The following CA6 variants were observed in gnomAD, a reference collection of about 807,000 sequenced individuals.
The protein encoded by CA6 is carbonic anhydrase 6.
In CA6, 28 loss-of-function variants were observed where a neutral mutation model predicts 35.9. The observed-to-expected ratio is 0.78, with a 90% CI of 0.58 to 1.07. The LOEUF (loss-of-function observed/expected upper bound fraction) is 1.07, where lower values mean the gene tolerates loss of function less well. Among genes scored for constraint, CA6 ranks in the 50% least tolerant of loss-of-function variants. CA6 has a pLI of 0.00. For missense variants in CA6, 377 were observed against 382.0 expected, an observed-to-expected ratio of 0.99 and a Z score of 0.11; for synonymous variants, 148 against 152.6, an observed-to-expected ratio of 0.97 and a Z score of 0.22.
At chr1:8,973,779 TC>T (rs1238047640) in intron 7 of CA6, among the ~76,000 whole-genome samples, 5 of 22,310 alleles carry the variant, frequency 2.2e-4, no homozygotes, top group South Asian at 2.0e-3. Flanking sequence ...TTTCTTTCTT[TC>T]TTTCTTTTCC....
intron 6 of CA6, among the ~76,000 whole-genome samples, chr1:8,969,259 G>A (rs1640048991): frequency 6.6e-6 from 1 of 151,964 alleles, no homozygotes; most frequent in African/African-American, 2.4e-5. Flanking sequence ...ATGTTGCAGT[G>A]AGCTGAGATC....
chr1:8,951,119 G>C (rs1253782959), intron 2 of CA6, among the ~76,000 whole-genome samples: 1 of 151,744 alleles, frequency 6.6e-6, no homozygotes, highest in Non-Finnish European at 1.5e-5. Flanking sequence ...GGGAGGCTGA[G>C]GCAGGAGAAT....
At chr1:8,953,911 GC>G in intron 2 of CA6, among the ~76,000 whole-genome samples, 2 of 152,076 alleles carry the variant, frequency 1.3e-5, no homozygotes, top group South Asian at 4.1e-4. Flanking sequence ...CAGTAAAGAA[GC>G]CTGACAAATC....
chr1:8,965,626 G>A (rs1035422776), intron 5 of CA6, among the ~76,000 whole-genome samples: 6 of 151,994 alleles, frequency 3.9e-5, no homozygotes, highest in Non-Finnish European at 8.8e-5. Context: ...GGTGACTCAC[G>A]CCTGTAATTC....
At chr1:8,959,076 T>G in intron 4 of CA6, 74 bp downstream of exon 4, 3 of 840,452 alleles carry the variant, frequency 3.6e-6, no homozygotes, top group Non-Finnish European at 4.1e-6. Flanking sequence ...TGAAGTCTAG[T>G]TGAACAGTCT....
In CA6 at chr1:8,945,942, A is replaced by T. The variant is rs754657912; in HGVS notation, c.56A>T (p.His19Leu). The T allele has an allele frequency of 2.4e-5, 38 of 1,613,450 alleles. No homozygotes were observed. The South Asian group carries it at 4.0e-4, about 17-fold the overall frequency. The change falls in exon 1 of 8, where the codon CAT becomes CTT. Residue 19 changes from histidine to leucine, a missense_variant. Physicochemically the swap from His to Leu is moderately conservative, Grantham distance 99. Transcript: ENST00000377443. ...SLFLLGGQAQ[H>L]VSDWTYSEGA... ...TTCCTGCTGGGTGGCCAGGCCCAGC[A>T]TGTGTCTGACTGGACCTACTCAGGT... is the stretch of plus-strand genomic sequence containing the variant.
intron 5 of CA6, among the ~76,000 whole-genome samples, chr1:8,964,429 G>A (rs1639920285): frequency 6.6e-6 from 1 of 152,066 alleles, no homozygotes; most frequent in Non-Finnish European, 1.5e-5. Flanking sequence ...TTGTATTTTA[G>A]TAGAGACAGG....
At chr1:8,967,963 C>CTTTTT (rs34107058) in intron 6 of CA6, 147 bp downstream of exon 6, 119 of 296,976 alleles carry the variant, frequency 4.0e-4, no homozygotes, top group South Asian at 6.5e-4. Flanking sequence ...TCTAGCCAAC[C>CTTTTT]TTTTTTTTTT....
intron 6 of CA6, among the ~76,000 whole-genome samples, chr1:8,968,202 G>T (rs1640021690): frequency 6.6e-6 from 1 of 152,048 alleles, no homozygotes; most frequent in Non-Finnish European, 1.5e-5. Context: ...CCAGGTTCAA[G>T]CAGTCTGCCT....
In CA6 at chr1:8,951,215, T is replaced by A. The variant is rs557427391; in HGVS notation, c.259+1773T>A. On this transcript the variant is annotated intron_variant, in intron 2 of 7. Transcript: ENST00000377443. ...TGGGCAACAAGAGCAAAACTCCATC[T>A]CAAAGAAAAAAAAAAAAAGAAAGAA... Among the ~76,000 whole-genome samples, 31 of 101,668 alleles carry A rather than the reference T, an allele frequency of 3.0e-4. 1 individual carries two copies. Among genetic ancestry groups the A allele is most frequent in the African/African-American group, 1.3e-3 (31 of 24,234 alleles). 66.7% of individuals were successfully genotyped at this position (101,668 alleles called of 152,430 possible).
Position 8,973,784 on chromosome 1 carries a change from C to CTTTTTCTTTCTTCTTTCTTTCT in CA6, c.845-834_845-833insTCTTTCTTCTTTCTTTCTTTTT, listed in dbSNP as rs59270335. On this transcript the variant is annotated intron_variant, in intron 7 of 7. Transcript: ENST00000377443. ...TCTTTCTTTCTTTCTTTCTTTCTTT[C>CTTTTTCTTTCTTCTTTCTTTCT]TTTTCCCTCCCTCCCTCTCTCTCTC... Among the ~76,000 whole-genome samples the CTTTTTCTTTCTTCTTTCTTTCT allele has an allele frequency of 5.2e-4, 27 of 52,046 alleles. 2 individuals carry two copies. Among genetic ancestry groups the CTTTTTCTTTCTTCTTTCTTTCT allele is most frequent in the African/African-American group, 1.8e-3 (25 of 13,556 alleles). The allele number at this position is 52,046 out of a possible 152,430, so 34.1% of individuals were successfully genotyped here.
In CA6 at chr1:8,974,641, A is replaced by T; in HGVS notation, c.864A>T (p.Glu288Asp). Residue 288 changes from glutamate to aspartate, a missense_variant, in exon 8 of 8, where the codon GAA (glutamate) becomes GAT (aspartate). By Grantham distance (45) the Glu-to-Asp change is conservative. Coordinates refer to ENST00000377443, the MANE Select transcript of CA6 (RefSeq NM_001215.4). ...TTACAGAATACACTCTAGGCTCTGA[A>T]TTCCAGTTTTACCTACATAAGATTG... ...FPNQEYTLGSEFQFYLHKIEE... is the reference protein window; with the variant it reads ...FPNQEYTLGSDFQFYLHKIEE... 3 of 1,607,340 alleles carry T rather than the reference A, an allele frequency of 1.9e-6. No individual in the cohort carries two copies. Among genetic ancestry groups the T allele is most frequent in the Non-Finnish European group, 1.7e-6 (2 of 1,175,300 alleles).
intron 1 of CA6, among the ~76,000 whole-genome samples, chr1:8,948,138 G>A (rs370195341): frequency 1.3e-5 from 2 of 151,898 alleles, no homozygotes; most frequent in South Asian, 2.1e-4. Context: ...ATGAGCCACC[G>A]TGCCCAGCCA....
chr1:8,962,108 G>A (rs974017517), intron 4 of CA6, among the ~76,000 whole-genome samples: 2 of 152,036 alleles, frequency 1.3e-5, no homozygotes. Context: ...CAGGTGTGGT[G>A]GTGGGCACCT....
intron 3 of CA6, 52 bp from the exon 4 acceptor site, chr1:8,958,858 G>C: frequency 2.1e-6 from 2 of 962,596 alleles, no homozygotes; most frequent in Non-Finnish European, 3.3e-6. Flanking sequence ...GAAATCTTAA[G>C]CATTTGAATT....
At chr1:8,962,716 AGGTGGGCCCAG>A in intron 5 of CA6, 60 bp downstream of exon 5, 1 of 1,429,232 alleles carries the variant, frequency 7.0e-7, no homozygotes, top group Non-Finnish European at 9.9e-7. Flanking sequence ...TGTGAGTGTG[AGGTGGGCCCAG>A]GGGGCAGGGG....
chr1:8,949,324 G>C lies in CA6; in HGVS notation c.141G>C (p.Gln47His). Residue 47 changes from glutamine to histidine, a missense_variant, in exon 2 of 8, where the codon CAG becomes CAC. Gln to His is a conservative substitution (Grantham distance 24). Coordinates refer to ENST00000377443, the MANE Select transcript of CA6 (RefSeq NM_001215.4). ...ACCCCGCCTGTGGGGGCCAGAGACA[G>C]TCGCCTATCAACCTACAGAGGACGA... ...QHYPACGGQR[Q>H]SPINLQRTKV... 1 of 1,613,476 alleles carries C rather than the reference G, an allele frequency of 6.2e-7. No homozygotes were observed.
At chr1:8,949,531 C>A in intron 2 of CA6, 89 bp downstream of exon 2, 1 of 1,102,354 alleles carries the variant, frequency 9.1e-7, no homozygotes, top group Non-Finnish European at 1.3e-6. Flanking sequence ...GAATGGCTTG[C>A]ACAGAGACAC....
At chr1:8,949,220 G>A in intron 1 of CA6, 43 bp from the exon 2 acceptor site, 4 of 1,485,680 alleles carry the variant, frequency 2.7e-6, no homozygotes, top group Non-Finnish European at 3.6e-6. Context: ...TCCAGAGTGG[G>A]CGCAGCCAGG....
Sources: gnomAD v4.1 joint callset for allele counts (sites outside exome capture counted in the v4.1 genomes callset) on GRCh38, gnomAD v4.1.1 for gene constraint, MANE v1.5 for transcripts, NCBI Gene and HGNC (gene_info 2026-07-23, HGNC 2026-07-21) for gene names.